The following NPRL3 variants were observed in gnomAD, a reference collection of about 807,000 sequenced individuals.
The protein encoded by NPRL3 is GATOR1 complex protein NPRL3.
NPRL3 carries 23 observed loss-of-function variants against 57.2 expected under a neutral mutation model. The ratio of observed to expected loss-of-function variants is 0.40; its 90% confidence interval spans 0.29 to 0.57. The LOEUF (loss-of-function observed/expected upper bound fraction) is 0.57, where lower values mean the gene tolerates loss of function less well. NPRL3 is among the 20% of genes least tolerant of loss of function. NPRL3 has a pLI of 0.42. For synonymous variants in NPRL3, 333 were observed against 321.1 expected, an observed-to-expected ratio of 1.04 and a Z score of -0.39; for missense variants, 691 against 767.1, an observed-to-expected ratio of 0.90 and a Z score of 1.17.
At chr16:120,171 G>C (rs1479513358) in intron 3 of NPRL3, among the ~76,000 whole-genome samples, 5 of 152,200 alleles carry the variant, frequency 3.3e-5, no homozygotes, top group Non-Finnish European at 7.3e-5. Flanking sequence ...CCAGAAGAGA[G>C]AGAAGTCCCA....
At chr16:99,888 G>A (rs1293297363) in intron 8 of NPRL3, among the ~76,000 whole-genome samples, 3 of 137,806 alleles carry the variant, frequency 2.2e-5, no homozygotes, top group African/African-American at 5.5e-5. Flanking sequence ...AGCCGGGATC[G>A]CACTACTGAA....
At chr16:111,963 T>TAAA (rs1169248144) in intron 6 of NPRL3, among the ~76,000 whole-genome samples, 1 of 152,234 alleles carries the variant, frequency 6.6e-6, no homozygotes, top group Non-Finnish European at 1.5e-5. Flanking sequence ...TTTTGAAATC[T>TAAA]TTACAGTAGG....
At chr16:127,541 G>C (rs1411383301) in intron 3 of NPRL3, among the ~76,000 whole-genome samples, 1 of 152,082 alleles carries the variant, frequency 6.6e-6, no homozygotes, top group Non-Finnish European at 1.5e-5. Context: ...GGCCCCAAAA[G>C]AACTTTCTAC....
At chr16:134,705 T>TA (rs1900979877) in intron 2 of NPRL3, among the ~76,000 whole-genome samples, 3 of 140,930 alleles carry the variant, frequency 2.1e-5, no homozygotes, top group African/African-American at 5.2e-5. Context: ...TTTTTTTTTT[T>TA]TTTTTTTTTT....
At chr16:104,356 A>C (rs1202563893) in intron 7 of NPRL3, among the ~76,000 whole-genome samples, 4 of 152,212 alleles carry the variant, frequency 2.6e-5, no homozygotes, top group Non-Finnish European at 5.9e-5. Flanking sequence ...TGTATGGAGC[A>C]TTAGAAACTG....
intron 2 of NPRL3, 30 bp downstream of exon 2, chr16:138,120 G>A: frequency 6.5e-7 from 1 of 1,539,874 alleles, no homozygotes; most frequent in African/African-American, 1.4e-5. Context: ...GCCCCCGCGA[G>A]CGCCAGGCCC....
intron 6 of NPRL3, 104 bp from the exon 7 acceptor site, chr16:110,710 G>A: frequency 1.1e-6 from 1 of 910,658 alleles, no homozygotes; most frequent in Non-Finnish European, 1.7e-6. Flanking sequence ...ACCATGTCTG[G>A]CTAATTTTTT....
chr16:115,686 A>T (rs1900001418), intron 5 of NPRL3, among the ~76,000 whole-genome samples: 1 of 152,164 alleles, frequency 6.6e-6, no homozygotes, highest in African/African-American at 2.4e-5. Flanking sequence ...GGGTATCTCC[A>T]TGCTGGTCAG....
chr16:89,917 AGGTGAGGCT>A lies in NPRL3; in HGVS notation c.1162-24_1162-16del. 1 of 1,541,134 alleles carries A rather than the reference AGGTGAGGCT, an allele frequency of 6.5e-7. No homozygotes were observed. The highest frequency in any genetic ancestry group is 8.7e-7 in the Non-Finnish European group (1 of 1,143,350). On this transcript the variant is annotated splice_polypyrimidine_tract_variant and intron_variant, in intron 11 of 13. Coordinates refer to ENST00000611875, the MANE Select transcript of NPRL3 (RefSeq NM_001077350.3). Reference sequence around the variant, plus strand: ...ATGAGCTGGGTCTGCGGGTGGCAGCAGGTGAGGCTGGTCCCCCTCCCCACTCCAACTTCC... The same window carrying A: ...ATGAGCTGGGTCTGCGGGTGGCAGCAGGTCCCCCTCCCCACTCCAACTTCC...
intron 2 of NPRL3, 42 bp downstream of exon 2, chr16:138,108 C>A (rs923815900): frequency 6.7e-7 from 1 of 1,486,212 alleles, no homozygotes; most frequent in South Asian, 1.2e-5. Context: ...CGGAATGAGG[C>A]GGCCCCCGCG....
chr16:110,498 G>GT (rs1567138852), intron 7 of NPRL3, 27 bp downstream of exon 7: 1 of 1,592,720 alleles, frequency 6.3e-7, no homozygotes, highest in Non-Finnish European at 8.6e-7. Flanking sequence ...TAAGAAGGAG[G>GT]TTAATAAGCA....
chr16:127,803 C>T (rs979815827), intron 3 of NPRL3, among the ~76,000 whole-genome samples: 3 of 150,508 alleles, frequency 2.0e-5, no homozygotes, highest in Non-Finnish European at 3.0e-5. Context: ...TACAGGCGCC[C>T]GCCACCATGC....
At chr16:102,693 C>G in intron 7 of NPRL3, among the ~76,000 whole-genome samples, 1 of 152,210 alleles carries the variant, frequency 6.6e-6, no homozygotes, top group Non-Finnish European at 1.5e-5. Flanking sequence ...GTCCGGGAGA[C>G]TTGGCCAGAC....
At chr16:130,455 G>C in intron 3 of NPRL3, 67 bp downstream of exon 3, 1 of 1,450,122 alleles carries the variant, frequency 6.9e-7, no homozygotes, top group Non-Finnish European at 9.4e-7. Context: ...GTGAATAGGA[G>C]GGTGGGGCTT....
intron 3 of NPRL3, chr16:123,421 A>G: frequency 4.3e-6 from 2 of 466,000 alleles, no homozygotes; most frequent in Non-Finnish European, 8.9e-6. Flanking sequence ...TTCAACATGG[A>G]GGGAAATCAG....
intron 9 of NPRL3, among the ~76,000 whole-genome samples, chr16:93,857 G>A (rs902282013): frequency 9.9e-5 from 15 of 152,090 alleles, no homozygotes; most frequent in African/African-American, 2.4e-5. Context: ...CACCGCACCC[G>A]GCCACAATGG....
In NPRL3 at chr16:88,860, G is replaced by T; in HGVS notation, c.1382C>A (p.Pro461His). Residue 461 changes from proline (P) to histidine (H), a missense_variant, in exon 13 of 14, where the codon CCC (proline) becomes CAC (histidine). Physicochemically the swap from Pro to His is moderately conservative, Grantham distance 77. Transcript: ENST00000611875. ...TSSDDMTLTS[P>H]SMDNSSAELL... is the part of the protein sequence containing the mutation. ...CTCTGCGCTGGAGTTGTCCATGCTG[G>T]GGCTGGTGAGGGTCATGTCATCGCT... 3.1e-6 allele frequency: 5 copies of T among 1,613,472 alleles called. No individual in the cohort carries two copies. Among genetic ancestry groups the T allele is most frequent in the Non-Finnish European group, 4.2e-6 (5 of 1,179,520 alleles).
intron 3 of NPRL3, among the ~76,000 whole-genome samples, chr16:122,256 C>T (rs904935518): frequency 1.3e-5 from 2 of 151,870 alleles, no homozygotes; most frequent in Admixed American, 6.6e-5. Flanking sequence ...GCCACCAAGC[C>T]CGGCTAATTT....
In NPRL3 at chr16:110,509, C is replaced by G. The variant is rs148320642; in HGVS notation, c.629+16G>C. The G allele has an allele frequency of 6.7e-5, 107 of 1,604,848 alleles. No homozygotes were observed. The Admixed American group carries it at 1.7e-3, about 26-fold the overall frequency. ...CCCATAAGAAGGAGGTTAATAAGCA[C>G]ACCCACCTGTCTTACCTGTCATAAG... On this transcript the variant is annotated intron_variant, in intron 7 of 13. Coordinates refer to ENST00000611875, the MANE Select transcript of NPRL3 (RefSeq NM_001077350.3).
Sources: gnomAD v4.1 joint callset for allele counts (sites outside exome capture counted in the v4.1 genomes callset) on GRCh38, gnomAD v4.1.1 for gene constraint, MANE v1.5 for transcripts, NCBI Gene and HGNC (gene_info 2026-07-23, HGNC 2026-07-21) for gene names.